HSD17B2: variants seen among roughly 807,000 people sequenced by gnomAD.
HSD17B2 encodes the protein hydroxysteroid 17-beta dehydrogenase 2, also known as 17-beta-hydroxysteroid dehydrogenase type 2.
A neutral mutation model predicts 26.9 loss-of-function variants in HSD17B2; 32 were observed. The ratio of observed to expected loss-of-function variants is 1.19; its 90% CI spans 0.90 to 1.60. The LOEUF (loss-of-function observed/expected upper bound fraction) is 1.60. HSD17B2 is among the 40% of genes most tolerant of loss of function. The pLI, the probability that HSD17B2 is intolerant of heterozygous loss-of-function variation, is 0.00. For missense variants in HSD17B2, 613 were observed against 468.6 expected (o/e 1.31, Z -2.85); for synonymous variants, 246 against 186.7 (o/e 1.32, Z -2.59).
At chr16:82,039,293 C>T (rs1597117566) in intron 1 of HSD17B2, among the ~76,000 whole-genome samples, 1 of 151,396 alleles carries the variant, frequency 6.6e-6, no homozygotes, top group East Asian at 1.9e-4. Context: ...ACACACACCC[C>T]TGCATATGTT....
intron 4 of HSD17B2, chr16:82,093,639 C>T (rs1001435911): frequency 1.3e-5 from 2 of 152,130 alleles, no homozygotes; most frequent in African/African-American, 4.8e-5. Flanking sequence ...AAAAAGGGCT[C>T]CTGATCCAGA....
intron 1 of HSD17B2, among the ~76,000 whole-genome samples, chr16:82,067,068 C>A (rs868523221): frequency 1.3e-5 from 2 of 152,220 alleles, no homozygotes; most frequent in Admixed American, 6.5e-5. Context: ...TGAACACCTG[C>A]CCTCTCTTTG....
At chr16:82,068,885 T>A (rs1230668147) in intron 2 of HSD17B2, among the ~76,000 whole-genome samples, 1 of 152,210 alleles carries the variant, frequency 6.6e-6, no homozygotes, top group African/African-American at 2.4e-5. Context: ...CTAATCAGAA[T>A]TAGCCTGAAG....
chr16:82,054,839 G>A (rs2143946778), intron 1 of HSD17B2, among the ~76,000 whole-genome samples: 1 of 152,238 alleles, frequency 6.6e-6, no homozygotes, highest in Non-Finnish European at 1.5e-5. Flanking sequence ...TAAAACCTAA[G>A]TCAACTCAAG....
At chr16:82,069,758 T>C (rs146808030) in intron 2 of HSD17B2, among the ~76,000 whole-genome samples, 4 of 152,284 alleles carry the variant, frequency 2.6e-5, no homozygotes, top group Admixed American at 6.5e-5. Context: ...GTAACTAACT[T>C]GGCAGACCCA....
At chr16:82,072,684 CAGTT>C (rs1914724005) in intron 3 of HSD17B2, among the ~76,000 whole-genome samples, 1 of 152,040 alleles carries the variant, frequency 6.6e-6, no homozygotes, top group African/African-American at 2.4e-5. Context: ...ACCAGCAGCT[CAGTT>C]AATCAGTGAA....
At chr16:82,039,727 C>A (rs920259078) in intron 1 of HSD17B2, among the ~76,000 whole-genome samples, 6 of 152,150 alleles carry the variant, frequency 3.9e-5, no homozygotes, top group African/African-American at 1.4e-4. Flanking sequence ...AGTTTCTATC[C>A]TCTGGCCTTT....
chr16:82,039,776 G>A (rs1450163676), intron 1 of HSD17B2, among the ~76,000 whole-genome samples: 1 of 152,060 alleles, frequency 6.6e-6, no homozygotes, highest in Non-Finnish European at 1.5e-5. Context: ...ATTGAGAACC[G>A]ACTCAGCATC....
chr16:82,067,206 G>A (rs569355468), intron 1 of HSD17B2, among the ~76,000 whole-genome samples: 144 of 152,266 alleles, frequency 9.5e-4, no homozygotes, highest in Non-Finnish European at 1.7e-3. Context: ...AATTCTTGGC[G>A]GGCATGTCTG....
chr16:82,093,400 T>A (rs1904748029), intron 4 of HSD17B2: 1 of 152,252 alleles, frequency 6.6e-6, no homozygotes, highest in African/African-American at 2.4e-5. Context: ...TCACTCAATA[T>A]TCTGATTAGA....
chr16:82,098,505 T>C lies in HSD17B2; in HGVS notation c.*69T>C. On this transcript the variant is annotated 3_prime_UTR_variant, in exon 5 of 5. Coordinates refer to ENST00000199936, the MANE Select transcript of HSD17B2 (RefSeq NM_002153.3). ...ATGAAAGGGAAACTGGGAAACTGGG[T>C]TTCTCATTAAAGTTGTTTCCCACTC... The C allele has an allele frequency of 6.7e-7, 1 of 1,493,326 alleles. No individual in the cohort carries two copies. Among genetic ancestry groups the C allele is most frequent in the Non-Finnish European group, 8.9e-7 (1 of 1,120,036 alleles). 92.5% of individuals were successfully genotyped at this position (1,493,326 alleles called of 1,614,324 possible). A position where few individuals can be genotyped will look rare whatever the true frequency, so the allele number is the denominator to read the frequency against.
intron 4 of HSD17B2, chr16:82,095,563 G>A (rs1342131522): frequency 6.6e-6 from 1 of 152,286 alleles, no homozygotes; most frequent in Non-Finnish European, 1.5e-5. Flanking sequence ...CGACCAGGCT[G>A]TACTTTGAGG....
intron 1 of HSD17B2, among the ~76,000 whole-genome samples, chr16:82,048,858 G>A (rs1914019545): frequency 6.6e-6 from 1 of 152,328 alleles, no homozygotes; most frequent in Middle Eastern, 3.4e-3. Flanking sequence ...GAATAGTTAT[G>A]AGAATAAAAT....
intron 1 of HSD17B2, among the ~76,000 whole-genome samples, chr16:82,049,111 T>C (rs1159948954): frequency 6.6e-6 from 1 of 152,234 alleles, no homozygotes; most frequent in African/African-American, 2.4e-5. Context: ...GCATTCTCTG[T>C]GACTATTTAT....
chr16:82,090,357 C>T (rs1324573265), intron 3 of HSD17B2: 4 of 176,644 alleles, frequency 2.3e-5, no homozygotes, highest in East Asian at 3.1e-4. Flanking sequence ...TTCACTCTTT[C>T]GAAAGGCTGG....
intron 4 of HSD17B2, 158 bp from the exon 5 acceptor site, chr16:82,097,917 G>T: frequency 1.6e-6 from 1 of 607,916 alleles, no homozygotes. Context: ...AAGCCTGAGA[G>T]ACAGAGAAAG....
At chr16:82,091,145 T>C (rs959065162) in intron 4 of HSD17B2, 106 bp downstream of exon 4, 1 of 1,108,440 alleles carries the variant, frequency 9.0e-7, no homozygotes, top group Non-Finnish European at 1.4e-6. Context: ...TTGTCAAAGA[T>C]GAGCACAGCC....
intron 1 of HSD17B2, among the ~76,000 whole-genome samples, chr16:82,036,835 A>G (rs1385743991): frequency 6.6e-6 from 1 of 152,038 alleles, no homozygotes; most frequent in Non-Finnish European, 1.5e-5. Flanking sequence ...GTCTGGCTGG[A>G]TTTTCCACTT....
intron 4 of HSD17B2, chr16:82,096,219 G>GTATTTATT (rs1178920070): frequency 2.0e-5 from 3 of 151,882 alleles, no homozygotes; most frequent in African/African-American, 7.3e-5. Flanking sequence ...TTAAAATCCT[G>GTATTTATT]TATTTATTTA....
Sources: allele counts gnomAD v4.1 joint callset (sites outside exome capture counted in the v4.1 genomes callset), GRCh38; gene constraint gnomAD v4.1.1; transcripts MANE v1.5; gene names NCBI Gene and HGNC (gene_info 2026-07-23, HGNC 2026-07-21).